Variants in KIAA2012 observed in about 807,000 individuals in gnomAD.
KIAA2012 encodes the protein KIAA2012.
KIAA2012 carries 125 observed loss-of-function variants against 150.6 expected under a neutral mutation model. That is an observed-to-expected ratio of 0.83 (90% CI 0.72 to 0.96). KIAA2012 has a LOEUF of 0.96. KIAA2012 is among the 40% of genes least tolerant of loss of function. The probability of loss-of-function intolerance (pLI) is 0.00; values close to 1 mark genes in which losing one functional copy is unlikely to be tolerated. For missense variants in KIAA2012, 1,219 were observed against 1,354.9 expected (o/e 0.90, Z 1.57); for synonymous variants, 462 against 504.7 (o/e 0.92, Z 1.13).
intron 12 of KIAA2012, among the ~76,000 whole-genome samples, chr2:202,130,724 T>C (rs544418401): frequency 3.9e-5 from 6 of 151,944 alleles, no homozygotes; most frequent in African/African-American, 1.4e-4. Context: ...CGAGACCAGG[T>C]TGGCTAACAT....
At chr2:202,201,396 C>G in intron 22 of KIAA2012, 1 of 1,585,798 alleles carries the variant, frequency 6.3e-7, no homozygotes, top group Non-Finnish European at 8.7e-7. Flanking sequence ...GATGGTGTAG[C>G]CACCATCTGA....
At chr2:202,138,356 G>GTGTT (rs2105944394) in intron 12 of KIAA2012, 76 bp from the exon 13 acceptor site, 1 of 955,412 alleles carries the variant, frequency 1.0e-6, no homozygotes, top group Non-Finnish European at 1.6e-6. Context: ...GTGTGTGTGT[G>GTGTT]TATGGTATAT....
chr2:202,171,498 CA>C (rs1259009452), intron 15 of KIAA2012, among the ~76,000 whole-genome samples: 1 of 152,200 alleles, frequency 6.6e-6, no homozygotes, highest in African/African-American at 2.4e-5. Flanking sequence ...CCCGGCCTTA[CA>C]AAAGGAGCTC....
At chr2:202,186,886 C>G (rs1692238211) in intron 16 of KIAA2012, 47 bp from the exon 17 acceptor site, 8 of 1,534,498 alleles carry the variant, frequency 5.2e-6, no homozygotes, top group Non-Finnish European at 7.0e-6. Context: ...TTTCTTTCCA[C>G]CAGAGTTTTT....
At chr2:202,171,512 C>G (rs541159222) in intron 15 of KIAA2012, among the ~76,000 whole-genome samples, 1 of 152,200 alleles carries the variant, frequency 6.6e-6, no homozygotes, top group Non-Finnish European at 1.5e-5. Context: ...AGGAGCTCCT[C>G]GCTGGTGAGC....
intron 4 of KIAA2012, among the ~76,000 whole-genome samples, chr2:202,094,204 G>A (rs991992159): frequency 4.6e-5 from 7 of 152,178 alleles, no homozygotes; most frequent in African/African-American, 1.7e-4. Context: ...GATCACTTGA[G>A]CCCAGGAGTT....
chr2:202,090,621 G>A (rs925989402), intron 2 of KIAA2012, 149 bp from the exon 3 acceptor site: 2 of 839,288 alleles, frequency 2.4e-6, no homozygotes, highest in East Asian at 2.9e-5. Context: ...CTTGGTTCAT[G>A]TCTATTAGCC....
At chr2:202,166,890 T>C (rs898683275) in intron 15 of KIAA2012, among the ~76,000 whole-genome samples, 9 of 152,170 alleles carry the variant, frequency 5.9e-5, no homozygotes, top group African/African-American at 2.2e-4. Context: ...AAAGTGGCTT[T>C]GAAAAATTGC....
chr2:202,106,782 T>C (rs1690207044), intron 9 of KIAA2012, among the ~76,000 whole-genome samples: 1 of 152,150 alleles, frequency 6.6e-6, no homozygotes. Context: ...ATTATACACA[T>C]GGGTGCATCT....
intron 13 of KIAA2012, among the ~76,000 whole-genome samples, chr2:202,149,055 C>G (rs1003705160): frequency 2.0e-5 from 3 of 152,144 alleles, no homozygotes; most frequent in African/African-American, 7.2e-5. Flanking sequence ...AGGCCCTTTG[C>G]TCCTGCAGGA....
chr2:202,093,649 G>A (rs951061464), intron 4 of KIAA2012, among the ~76,000 whole-genome samples: 2 of 152,168 alleles, frequency 1.3e-5, no homozygotes, highest in African/African-American at 4.8e-5. Context: ...AGCCAGAAAT[G>A]TGTATCGAAA....
At chr2:202,199,518 C>T (rs1040037358) in intron 22 of KIAA2012, among the ~76,000 whole-genome samples, 9 of 152,008 alleles carry the variant, frequency 5.9e-5, no homozygotes, top group Non-Finnish European at 1.5e-5. Flanking sequence ...ATAAAAATTC[C>T]ACAAGTTAAC....
chr2:202,139,524 T>G (rs933869501), intron 13 of KIAA2012, among the ~76,000 whole-genome samples: 5 of 152,140 alleles, frequency 3.3e-5, no homozygotes, highest in Non-Finnish European at 7.3e-5. Flanking sequence ...TGCCACAGCC[T>G]AGCTATCTCT....
chr2:202,131,342 T>C (rs1290889378), intron 12 of KIAA2012, among the ~76,000 whole-genome samples: 1 of 152,152 alleles, frequency 6.6e-6, no homozygotes, highest in African/African-American at 2.4e-5. Flanking sequence ...GGTTTCACCA[T>C]GTTGGCCAGG....
At chr2:202,100,228 A>G in intron 6 of KIAA2012, 79 bp from the exon 7 acceptor site, 3 of 1,415,300 alleles carry the variant, frequency 2.1e-6, no homozygotes, top group Non-Finnish European at 2.9e-6. Flanking sequence ...ATTAACTACG[A>G]CGTGATAAAA....
chr2:202,109,664 C>T lies in KIAA2012; in HGVS notation c.1526C>T (p.Pro509Leu), dbSNP rs543342671. ...GCCCCACCATTGGATCTTCTACCCCCGATTAAAGGAAAAAAAAGTCCTGAG... is the reference window on the plus strand; with the variant it reads ...GCCCCACCATTGGATCTTCTACCCCTGATTAAAGGAAAAAAAAGTCCTGAG... ...DVAPPLDLLP[P>L]IKGKKSPESQ... is the part of the protein sequence containing the mutation. Residue 509 changes from proline to leucine, a missense_variant, in exon 10 of 24, where the codon CCG becomes CTG. By Grantham distance (98) the Pro-to-Leu change is moderately conservative. Transcript: ENST00000498697. 1.7e-5 allele frequency: 26 copies of T among 1,550,468 alleles called. No homozygotes were observed. Among genetic ancestry groups the T allele is most frequent in the Middle Eastern group, 1.7e-4 (1 of 5,994 alleles).
chr2:202,201,952 G>T (rs1323910832), intron 22 of KIAA2012: 2 of 712,136 alleles, frequency 2.8e-6, no homozygotes, highest in Admixed American at 2.1e-5. Flanking sequence ...CTTCCTGTTC[G>T]GAGCCACTTC....
chr2:202,197,009 G>A lies in KIAA2012; in HGVS notation c.3397G>A (p.Glu1133Lys), dbSNP rs1250967359. 6 of 1,550,466 alleles carry A rather than the reference G, an allele frequency of 3.9e-6. No individual in the cohort carries two copies. In the African/African-American group the frequency reaches 8.2e-5, roughly 21 times the overall value. Residue 1133 changes from glutamate (E) to lysine (K), a missense_variant, in exon 22 of 24, where the codon GAA becomes AAA. Physicochemically the swap from Glu to Lys is moderately conservative, Grantham distance 56 (BLOSUM62 1). Coordinates refer to ENST00000498697, the MANE Select transcript of KIAA2012 (RefSeq NM_001277372.4). ...GGAAGAAGCCACGAAACAAGCCCAG[G>A]AACAAGCCAGGTACTGGATATTTGG... ...ALEEATKQAQ[E>K]QARQKAALEK...
chr2:202,082,909 A>G (rs1689484060), intron 2 of KIAA2012, among the ~76,000 whole-genome samples: 1 of 151,878 alleles, frequency 6.6e-6, no homozygotes, highest in African/African-American at 2.4e-5. Flanking sequence ...TGACAGATAA[A>G]GAAACTGAGG....
Sources: allele counts gnomAD v4.1 joint callset (sites outside exome capture counted in the v4.1 genomes callset), GRCh38; gene constraint gnomAD v4.1.1; transcripts MANE v1.5; gene names NCBI Gene and HGNC (gene_info 2026-07-23, HGNC 2026-07-21).